The following FUT8 variants were observed in gnomAD, a reference collection of about 807,000 sequenced individuals.
FUT8 encodes the protein alpha-(1,6)-fucosyltransferase.
Under a neutral mutation model 71.3 loss-of-function variants are expected in FUT8, and 29 were observed. The ratio of observed to expected loss-of-function variants is 0.41; its 90% CI spans 0.30 to 0.55. FUT8 has a LOEUF of 0.55. Ranked by LOEUF, FUT8 falls within the 20% of genes least tolerant of loss-of-function variation. The probability of loss-of-function intolerance (pLI) is 0.34; values close to 1 mark genes in which losing one functional copy is unlikely to be tolerated. For synonymous variants in FUT8, 254 were observed against 239.3 expected (o/e 1.06, Z -0.57); for missense variants, 544 against 702.1 (o/e 0.77, Z 2.55).
chr14:65,569,395 T>C (rs117906123), intron 3 of FUT8, among the ~76,000 whole-genome samples: 3,049 of 151,906 alleles, frequency 0.02, 58 homozygotes, highest in Middle Eastern at 0.027. Context: ...TTATGTGTCT[T>C]TCATGATCTA....
chr14:65,685,444 A>G lies in FUT8; in HGVS notation c.835+15964A>G, dbSNP rs557336810. Among the ~76,000 whole-genome samples, 7 of 152,282 alleles carry G rather than the reference A, an allele frequency of 4.6e-5. No homozygotes were observed. The East Asian group carries it at 1.2e-3, about 25-fold the overall frequency. On this transcript the variant is annotated intron_variant, in intron 7 of 10. Transcript: ENST00000673929. ...ACTTTGGACAGTTGTATGCCATGCT[A>G]TTGTAGGTTAACCCTATTACCAGAA...
At chr14:65,481,307 G>A (rs1218772409) in intron 2 of FUT8, among the ~76,000 whole-genome samples, 1 of 151,852 alleles carries the variant, frequency 6.6e-6, no homozygotes, top group Non-Finnish European at 1.5e-5. Flanking sequence ...CAGATTTTTT[G>A]TTGTTGAGTT....
intron 7 of FUT8, among the ~76,000 whole-genome samples, chr14:65,691,597 CTTTA>C (rs371503595): frequency 2.4e-4 from 37 of 151,614 alleles, no homozygotes; most frequent in Non-Finnish European, 4.0e-4. Flanking sequence ...GTGTATAATT[CTTTA>C]TTTATTTATT....
intron 1 of FUT8, among the ~76,000 whole-genome samples, chr14:65,448,024 A>G (rs2065768451): frequency 6.6e-6 from 1 of 152,234 alleles, no homozygotes. Flanking sequence ...ATAAAGGCAC[A>G]GAAACAGACA....
At chr14:65,628,197 G>A (rs1249699311) in intron 5 of FUT8, among the ~76,000 whole-genome samples, 1 of 152,070 alleles carries the variant, frequency 6.6e-6, no homozygotes, top group Non-Finnish European at 1.5e-5. Context: ...CAGTGTCAGG[G>A]GTTAGCAACA....
At chr14:65,434,423 T>C (rs1269973283) in intron 1 of FUT8, among the ~76,000 whole-genome samples, 1 of 152,190 alleles carries the variant, frequency 6.6e-6, no homozygotes, top group East Asian at 1.9e-4. Context: ...CTGTGGGGAA[T>C]TGTCGTTGAC....
intron 6 of FUT8, among the ~76,000 whole-genome samples, chr14:65,642,528 A>G (rs1415328751): frequency 1.3e-5 from 2 of 148,862 alleles, no homozygotes; most frequent in Non-Finnish European, 3.0e-5. Context: ...TCTTGAACCC[A>G]GGAGGCGGAG....
chr14:65,739,242 T>G (rs530640082), intron 10 of FUT8, among the ~76,000 whole-genome samples: 1 of 152,128 alleles, frequency 6.6e-6, no homozygotes, highest in South Asian at 2.1e-4. Flanking sequence ...TTAATGGTCA[T>G]TCTTATGAGA....
chr14:65,420,420 A>G (rs1013437769), intron 1 of FUT8, among the ~76,000 whole-genome samples: 15 of 152,160 alleles, frequency 9.9e-5, no homozygotes, highest in African/African-American at 3.6e-4. Flanking sequence ...CTTGGCCAGA[A>G]CACATCCTCT....
chr14:65,570,978 C>G (rs530543093), intron 3 of FUT8, among the ~76,000 whole-genome samples: 2 of 152,208 alleles, frequency 1.3e-5, no homozygotes, highest in South Asian at 2.1e-4. Context: ...TGTAACCAAT[C>G]TAGTTGTTTC....
chr14:65,651,840 C>T (rs1045805492), intron 6 of FUT8, among the ~76,000 whole-genome samples: 1 of 152,022 alleles, frequency 6.6e-6, no homozygotes, highest in African/African-American at 2.4e-5. Context: ...GCAGTCTGAA[C>T]AACAGAGAGA....
At chr14:65,484,547 A>T (rs2066380558) in intron 2 of FUT8, among the ~76,000 whole-genome samples, 1 of 152,022 alleles carries the variant, frequency 6.6e-6, no homozygotes, top group Admixed American at 6.6e-5. Context: ...GGTGGCACAC[A>T]CCTGTAGTCC....
At chr14:65,443,206 C>G (rs1437767499) in intron 1 of FUT8, among the ~76,000 whole-genome samples, 2 of 151,346 alleles carry the variant, frequency 1.3e-5, no homozygotes, top group Non-Finnish European at 2.9e-5. Context: ...GTTAGGAGAT[C>G]AAGACCATCC....
At chr14:65,617,080 T>C (rs1566855371) in intron 5 of FUT8, 4 of 1,585,662 alleles carry the variant, frequency 2.5e-6, no homozygotes, top group Middle Eastern at 1.7e-4. Flanking sequence ...AAAGTCTATG[T>C]TTCCAGTAGG....
chr14:65,654,522 C>T (rs1280825410), intron 6 of FUT8, among the ~76,000 whole-genome samples: 3 of 151,400 alleles, frequency 2.0e-5, no homozygotes, highest in Admixed American at 6.6e-5. Flanking sequence ...ACCTGGGAGG[C>T]GGAGGTTGCA....
chr14:65,546,104 G>C (rs1425145492), intron 2 of FUT8, among the ~76,000 whole-genome samples: 1 of 151,612 alleles, frequency 6.6e-6, no homozygotes, highest in African/African-American at 2.4e-5. Flanking sequence ...AACCTTATTG[G>C]AACATAATTT....
rs556527554 is a variant in FUT8 at position 65,552,756 on chromosome 14, TTTTTTAATTCCA to T, written c.-227-8576_-227-8565del. Reference sequence around the variant, plus strand: ...TTTTCTCTAATGAATTATACTTTCATTTTTTAATTCCATTTTATCTTCACCACTGGCTTTTTC... The same window carrying T: ...TTTTCTCTAATGAATTATACTTTCATTTTTATCTTCACCACTGGCTTTTTC... On this transcript the variant is annotated intron_variant, in intron 2 of 10. Coordinates refer to ENST00000673929, the MANE Select transcript of FUT8 (RefSeq NM_001371533.1). 2.4e-4 allele frequency among the ~76,000 whole-genome samples: 36 copies of T among 152,362 alleles called. 1 individual carries two copies. In the South Asian group the frequency reaches 7.0e-3, roughly 30 times the overall value.
At chr14:65,431,851 ACT>A (rs2065481943) in intron 1 of FUT8, among the ~76,000 whole-genome samples, 1 of 151,726 alleles carries the variant, frequency 6.6e-6, no homozygotes, top group Non-Finnish European at 1.5e-5. Flanking sequence ...TCATTAATTA[ACT>A]CTTTTATCAT....
At chr14:65,604,439 T>A (rs1167663896) in intron 3 of FUT8, among the ~76,000 whole-genome samples, 3 of 151,852 alleles carry the variant, frequency 2.0e-5, no homozygotes, top group Non-Finnish European at 2.9e-5. Context: ...GGAAATCAAC[T>A]CCAAAGGAAC....
Sources: gnomAD v4.1 joint callset for allele counts (sites outside exome capture counted in the v4.1 genomes callset) on GRCh38, gnomAD v4.1.1 for gene constraint, MANE v1.5 for transcripts, NCBI Gene and HGNC (gene_info 2026-07-23, HGNC 2026-07-21) for gene names.